The following CAMTA1 variants were observed in gnomAD, a reference collection of about 807,000 sequenced individuals.
CAMTA1 encodes the protein calmodulin binding transcription activator 1, also known as calmodulin-binding transcription activator 1.
Under a neutral mutation model 170.9 loss-of-function variants are expected in CAMTA1, and 27 were observed. The ratio of observed to expected loss-of-function variants is 0.16; its 90% CI spans 0.12 to 0.22. CAMTA1 has a LOEUF of 0.22. Among genes scored for constraint, CAMTA1 ranks in the 10% least tolerant of loss-of-function variants. The pLI is 1.00. For synonymous variants in CAMTA1, 833 were observed against 891.5 expected (o/e 0.93, Z 1.17); for missense variants, 1,619 against 2,217.2 (o/e 0.73, Z 5.42).
At chr1:7,647,536 T>C (rs1576584179) in intron 7 of CAMTA1, among the ~76,000 whole-genome samples, 1 of 152,058 alleles carries the variant, frequency 6.6e-6, no homozygotes, top group Non-Finnish European at 1.5e-5. Flanking sequence ...CTGGACCTGG[T>C]GTCTGAGATG....
At chr1:6,871,763 T>G in intron 3 of CAMTA1, 1 of 1,535,140 alleles carries the variant, frequency 6.5e-7, no homozygotes, top group Non-Finnish European at 8.7e-7. Context: ...GCAGAGATCA[T>G]GATGCAGCCG....
intron 3 of CAMTA1, among the ~76,000 whole-genome samples, chr1:7,034,564 C>T (rs547874424): frequency 5.3e-5 from 8 of 152,356 alleles, no homozygotes; most frequent in African/African-American, 1.9e-4. Context: ...CTGCACAGCT[C>T]TGGAGTTCTC....
chr1:7,231,828 C>T (rs1368091571), intron 4 of CAMTA1, among the ~76,000 whole-genome samples: 1 of 152,158 alleles, frequency 6.6e-6, no homozygotes, highest in Admixed American at 6.5e-5. Context: ...GGATCTAATC[C>T]TATTGAACAG....
chr1:7,691,720 A>G (rs1282772085), intron 11 of CAMTA1, among the ~76,000 whole-genome samples: 2 of 152,140 alleles, frequency 1.3e-5, no homozygotes, highest in African/African-American at 4.8e-5. Flanking sequence ...GTAGCCCCAG[A>G]GCTGAGAGAG....
chr1:6,830,163 C>A (rs1167296469), intron 3 of CAMTA1, among the ~76,000 whole-genome samples: 1 of 150,418 alleles, frequency 6.6e-6, no homozygotes, highest in East Asian at 2.0e-4. Flanking sequence ...TAGCCTCCCG[C>A]GTAGCTAGGA....
chr1:7,141,882 T>A (rs1645910430), intron 4 of CAMTA1, among the ~76,000 whole-genome samples: 1 of 152,154 alleles, frequency 6.6e-6, no homozygotes, highest in African/African-American at 2.4e-5. Context: ...ATGGATCATC[T>A]CATTTCATGC....
intron 6 of CAMTA1, among the ~76,000 whole-genome samples, chr1:7,571,707 A>G (rs2150339116): frequency 6.6e-6 from 1 of 152,280 alleles, no homozygotes; most frequent in South Asian, 2.1e-4. Context: ...CACGGTGCAT[A>G]TGTATCACAT....
intron 6 of CAMTA1, among the ~76,000 whole-genome samples, chr1:7,616,510 T>C (rs770120674): frequency 6.6e-6 from 1 of 152,284 alleles, no homozygotes; most frequent in Non-Finnish European, 1.5e-5. Flanking sequence ...CCAAGTCTCT[T>C]AAAGCAACAG....
In CAMTA1 at chr1:7,065,354, G is replaced by A. The variant is rs533833492; in HGVS notation, c.235-25950G>A. 3.3e-5 allele frequency among the ~76,000 whole-genome samples: 5 copies of A among 152,274 alleles called. No homozygotes were observed. The highest frequency in any genetic ancestry group is 3.9e-4 in the East Asian group (2 of 5,186). On this transcript the variant is annotated intron_variant, in intron 3 of 22. Transcript: ENST00000303635. The surrounding 1 kb of genome is among the most constrained non-coding windows in gnomAD (Gnocchi z 5.2). ...TGAGAAGCTGAGATAAGAGAATGGC[G>A]TCATTGGATTTGGTGACCTAGAGGT...
chr1:7,127,738 G>A lies in CAMTA1; in HGVS notation c.302+36367G>A, dbSNP rs147517974. 4.6e-5 allele frequency among the ~76,000 whole-genome samples: 7 copies of A among 152,262 alleles called. No individual in the cohort carries two copies. The South Asian group carries it at 8.3e-4, about 18-fold the overall frequency. On this transcript the variant is annotated intron_variant, in intron 4 of 22. Transcript: ENST00000303635. ...TATTAATTCCAAGTGTGATAGAACC[G>A]GCACAGGAAACAGGCAAGAGGACCT... is the stretch of plus-strand genomic sequence containing the variant.
chr1:7,597,905 G>T (rs2095412648), intron 6 of CAMTA1, among the ~76,000 whole-genome samples: 1 of 151,178 alleles, frequency 6.6e-6, no homozygotes, highest in Non-Finnish European at 1.5e-5. Context: ...ATATGCCGTG[G>T]TGGTTTGCTG....
intron 3 of CAMTA1, among the ~76,000 whole-genome samples, chr1:6,903,251 G>A (rs1029367428): frequency 1.3e-5 from 2 of 152,180 alleles, no homozygotes; most frequent in African/African-American, 4.8e-5. Context: ...AGTAGGGAGG[G>A]GAATTAACCG....
intron 3 of CAMTA1, among the ~76,000 whole-genome samples, chr1:6,929,304 C>T (rs1015709756): frequency 6.6e-6 from 1 of 152,160 alleles, no homozygotes; most frequent in South Asian, 2.1e-4. Context: ...CTCAGCTTCC[C>T]AAGTAGTTGG....
In CAMTA1 at chr1:7,295,415, G is replaced by T. The variant is rs564794979; in HGVS notation, c.438+45789G>T. Among the ~76,000 whole-genome samples the T allele has an allele frequency of 4.7e-4, 72 of 152,314 alleles. 1 individual carries two copies. The highest frequency in any genetic ancestry group is 1.9e-3 in the South Asian group (9 of 4,818). On this transcript the variant is annotated intron_variant, in intron 5 of 22. Transcript: ENST00000303635. ...CTTCAACCAGATTGTAACTCCCTGA[G>T]GGGAGGGCTTGTTGTGTGTTTCCTT...
chr1:7,348,904 G>C (rs2084432608), intron 5 of CAMTA1, among the ~76,000 whole-genome samples: 1 of 152,182 alleles, frequency 6.6e-6, no homozygotes, highest in Non-Finnish European at 1.5e-5. Flanking sequence ...GCCCATCAAA[G>C]TTGCCTACTT....
intron 1 of CAMTA1, among the ~76,000 whole-genome samples, chr1:6,817,489 T>G (rs1051683624): frequency 6.6e-6 from 1 of 152,172 alleles, no homozygotes; most frequent in Non-Finnish European, 1.5e-5. Flanking sequence ...TGAACCACTT[T>G]TCCTAAGGTA....
intron 3 of CAMTA1, among the ~76,000 whole-genome samples, chr1:7,047,365 A>T (rs1482979471): frequency 2.0e-5 from 3 of 152,222 alleles, no homozygotes; most frequent in Non-Finnish European, 4.4e-5. Flanking sequence ...GTCTTAAATC[A>T]GGACTCTGCA....
chr1:6,817,190 T>A (rs566134441), intron 1 of CAMTA1, among the ~76,000 whole-genome samples: 1 of 152,230 alleles, frequency 6.6e-6, no homozygotes, highest in Non-Finnish European at 1.5e-5. Flanking sequence ...CATTAGTGTG[T>A]CCCACTGAAC....
intron 4 of CAMTA1, among the ~76,000 whole-genome samples, chr1:7,152,964 C>A (rs1646662728): frequency 6.6e-6 from 1 of 152,214 alleles, no homozygotes; most frequent in Non-Finnish European, 1.5e-5. Flanking sequence ...GTTCTGAAAA[C>A]CAGCTGTGAA....
Sources: allele counts gnomAD v4.1 joint callset (sites outside exome capture counted in the v4.1 genomes callset), GRCh38; gene constraint gnomAD v4.1.1; non-coding constraint Gnocchi (gnomAD v3.1); transcripts MANE v1.5; gene names NCBI Gene and HGNC (gene_info 2026-07-23, HGNC 2026-07-21).